Variants in CLIP2 observed in about 807,000 individuals in gnomAD.
The protein encoded by CLIP2 is CAP-Gly domain-containing linker protein 2.
In CLIP2, 41 loss-of-function variants were observed where a neutral mutation model predicts 111.7. The ratio of observed to expected loss-of-function variants is 0.37; its 90% confidence interval spans 0.29 to 0.48. CLIP2 has a LOEUF of 0.48. Among genes scored for constraint, CLIP2 ranks in the 20% least tolerant of loss-of-function variants. The pLI is 0.99. For synonymous variants in CLIP2, 660 were observed against 644.2 expected (o/e 1.02, Z -0.37); for missense variants, 1,160 against 1,422.1 (o/e 0.82, Z 2.96).
At chr7:74,399,368 T>A (rs910607197) in intron 14 of CLIP2, among the ~76,000 whole-genome samples, 9 of 151,850 alleles carry the variant, frequency 5.9e-5, no homozygotes, top group Non-Finnish European at 8.8e-5. Flanking sequence ...CAAGACCGCA[T>A]CTCTACAAAA....
rs372033851 is a variant in CLIP2, at chr7:74,380,719, C to T, written c.2422-87C>T. The T allele has an allele frequency of 2.7e-4, 300 of 1,115,022 alleles. 8 individuals are homozygous for T. The South Asian group carries it at 4.4e-3, about 16-fold the overall frequency. The allele number at this position is 1,115,022 out of a possible 1,614,324, so 69.1% of individuals were successfully genotyped here. ...TCCCCCTTTGTAGGAGTAGGGTGTG[C>T]AAACTGCAGGTGTGCTTGCTGGGCT... On this transcript the variant is annotated intron_variant, in intron 10 of 16. Transcript: ENST00000223398.
At chr7:74,372,888 T>TCCCCCCC in intron 8 of CLIP2, 44 bp from the exon 9 acceptor site, 1 of 309,182 alleles carries the variant, frequency 3.2e-6, no homozygotes, top group Non-Finnish European at 6.2e-6. Context: ...CCTCCCTGCG[T>TCCCCCCC]CCCCGCCCCC....
intron 2 of CLIP2, among the ~76,000 whole-genome samples, chr7:74,336,875 GTTTTTTTTTGTTTTGT>G (rs1234425441): frequency 1.3e-3 from 47 of 36,610 alleles, no homozygotes; most frequent in South Asian, 2.0e-3. Context: ...TTTTTTTTTT[GTTTTTTTTTGTTTTGT>G]TTTTTTTTTT....
chr7:74,358,428 C>T (rs1554308998), intron 6 of CLIP2, among the ~76,000 whole-genome samples: 1 of 152,072 alleles, frequency 6.6e-6, no homozygotes, highest in Non-Finnish European at 1.5e-5. Context: ...TCTCGAACTC[C>T]TGGCCTCAGG....
At chr7:74,398,836 G>A (rs79194192) in intron 14 of CLIP2, among the ~76,000 whole-genome samples, 33 of 152,286 alleles carry the variant, frequency 2.2e-4, no homozygotes, top group African/African-American at 6.5e-4. Context: ...GGGTTGGCAC[G>A]GACTGGGGAG....
At chr7:74,346,551 C>T (rs576548514) in intron 3 of CLIP2, among the ~76,000 whole-genome samples, 23 of 151,634 alleles carry the variant, frequency 1.5e-4, no homozygotes, top group East Asian at 3.9e-4. Context: ...GACAAAACCC[C>T]GTCTCTACTA....
chr7:74,300,567 T>C (rs1460935474), intron 1 of CLIP2, among the ~76,000 whole-genome samples: 6 of 151,984 alleles, frequency 3.9e-5, no homozygotes, highest in Non-Finnish European at 8.8e-5. Flanking sequence ...GCCATTCTCC[T>C]GCCTCAGCCT....
Position 74,403,910 on chromosome 7 carries a change from G to A in CLIP2, c.*62G>A. The A allele has an allele frequency of 6.3e-7, 1 of 1,575,548 alleles. No individual in the cohort carries two copies. The highest frequency in any genetic ancestry group is 8.7e-7 in the Non-Finnish European group (1 of 1,148,412). ...CAGAGCCCCACGCGGCTGCCCGGCA[G>A]TACCTCCTCCAGGCAGGAGCCGGGA... is the stretch of plus-strand genomic sequence containing the variant. On this transcript the variant is annotated 3_prime_UTR_variant, in exon 17 of 17. Coordinates refer to ENST00000223398, the MANE Select transcript of CLIP2 (RefSeq NM_003388.5).
intron 7 of CLIP2, among the ~76,000 whole-genome samples, chr7:74,361,033 G>A (rs1368379835): frequency 1.3e-5 from 2 of 151,236 alleles, no homozygotes; most frequent in Non-Finnish European, 2.9e-5. Context: ...CACACTCACA[G>A]TGCGCCCCTC....
chr7:74,372,910 G>A (rs782690565), intron 8 of CLIP2, 22 bp from the exon 9 acceptor site: 126 of 115,318 alleles, frequency 1.1e-3, no homozygotes, highest in East Asian at 2.6e-3. Flanking sequence ...CCCCCCCACC[G>A]TGTCCACCCT....
chr7:74,350,535 G>A (rs538265115), intron 3 of CLIP2, among the ~76,000 whole-genome samples: 2 of 151,618 alleles, frequency 1.3e-5, no homozygotes, highest in South Asian at 4.2e-4. Context: ...GGTTAAAATG[G>A]TAAATTTTAC....
At chr7:74,379,442 T>C (rs1790881903) in intron 10 of CLIP2, among the ~76,000 whole-genome samples, 1 of 152,044 alleles carries the variant, frequency 6.6e-6, no homozygotes, top group South Asian at 2.1e-4. Flanking sequence ...ACTTTTGGTC[T>C]CAGGTAGTAA....
chr7:74,358,824 G>A (rs1020976252), intron 6 of CLIP2, among the ~76,000 whole-genome samples: 1 of 151,954 alleles, frequency 6.6e-6, no homozygotes, highest in Non-Finnish European at 1.5e-5. Flanking sequence ...TCCCACCTTG[G>A]TCTCTCAAAG....
In CLIP2 at chr7:74,386,524, T is replaced by C; in HGVS notation, c.2483T>C (p.Leu828Pro). 1.9e-6 allele frequency: 3 copies of C among 1,611,434 alleles called. No individual in the cohort carries two copies. The highest frequency in any genetic ancestry group is 2.5e-6 in the Non-Finnish European group (3 of 1,178,674). ...TCGTCTCTCCTCTCTCCCCTAGGCC[T>C]GCAGGACAAGCTGAACAAGAGGGAC... is the stretch of plus-strand genomic sequence containing the variant. ...TIRTKETVEG[L>P]QDKLNKRDKE... Residue 828 changes from leucine to proline, a missense_variant, in exon 12 of 17, where the codon CTG (leucine) becomes CCG (proline). Transcript: ENST00000223398.
chr7:74,305,159 C>T (rs1205954575), intron 1 of CLIP2, among the ~76,000 whole-genome samples: 2 of 152,174 alleles, frequency 1.3e-5, no homozygotes, highest in Non-Finnish European at 2.9e-5. Flanking sequence ...CCCTGTCCAG[C>T]CCAGGCACTG....
At chr7:74,309,907 T>C (rs1788598063) in intron 1 of CLIP2, among the ~76,000 whole-genome samples, 2 of 148,660 alleles carry the variant, frequency 1.3e-5, no homozygotes, top group Non-Finnish European at 3.0e-5. Flanking sequence ...TATATAAATA[T>C]ACCACTTTGG....
rs782070393 is a variant in CLIP2 at position 74,373,017 on chromosome 7, G to A, written c.1466G>A (p.Arg489Gln). 32 of 1,586,764 alleles carry A rather than the reference G, an allele frequency of 2.0e-5. No homozygotes were observed. In the East Asian group the frequency reaches 2.5e-4, roughly 12 times the overall value. ...AAGGCGCAGGCCGAGCGGCTGCTCC[G>A]AGAATTAGCGGACAACAGGGTAACC... ...LEKAQAERLL[R>Q]ELADNRLTTV... The change falls in exon 9 of 17, where the codon CGA becomes CAA. Residue 489 changes from arginine (R) to glutamine (Q), a missense_variant. By Grantham distance (43) the Arg-to-Gln change is conservative (BLOSUM62 1). Coordinates refer to ENST00000223398, the MANE Select transcript of CLIP2 (RefSeq NM_003388.5).
intron 1 of CLIP2, among the ~76,000 whole-genome samples, chr7:74,298,355 G>GTTTTTTT (rs1564023938): frequency 9.3e-6 from 1 of 107,896 alleles, no homozygotes; most frequent in African/African-American, 2.9e-5. Context: ...CCTGCTAATT[G>GTTTTTTT]GTTTTTTTTT....
At chr7:74,302,789 C>T (rs1448498575) in intron 1 of CLIP2, among the ~76,000 whole-genome samples, 1 of 152,224 alleles carries the variant, frequency 6.6e-6, no homozygotes, top group Non-Finnish European at 1.5e-5. Flanking sequence ...GCCTGGGTTC[C>T]AGCCCTGGAT....
Sources: gnomAD v4.1 joint callset for allele counts (sites outside exome capture counted in the v4.1 genomes callset) on GRCh38, gnomAD v4.1.1 for gene constraint, MANE v1.5 for transcripts, NCBI Gene and HGNC (gene_info 2026-07-23, HGNC 2026-07-21) for gene names.